TTC28: variants seen among roughly 807,000 people sequenced by gnomAD.
TTC28 encodes the protein tetratricopeptide repeat protein 28.
Under a neutral mutation model 198.0 loss-of-function variants are expected in TTC28, and 61 were observed. The observed-to-expected ratio is 0.31, with a 90% CI of 0.25 to 0.38. TTC28 has a LOEUF of 0.38. TTC28 is among the 10% of genes least tolerant of loss of function. The probability of loss-of-function intolerance (pLI) is 1.00; values close to 1 mark genes in which losing one functional copy is unlikely to be tolerated. For synonymous variants in TTC28, 1,171 were observed against 1,297.8 expected (o/e 0.90, Z 2.10); for missense variants, 2,678 against 3,164.0 (o/e 0.85, Z 3.69).
At chr22:28,591,032 C>CATAT (rs2050421131) in intron 2 of TTC28, among the ~76,000 whole-genome samples, 5 of 62,604 alleles carry the variant, frequency 8.0e-5, no homozygotes, top group African/African-American at 1.1e-4. Context: ...CACACACACA[C>CATAT]ACACACACAT....
At chr22:28,142,375 C>T (rs1032043396) in intron 6 of TTC28, among the ~76,000 whole-genome samples, 1 of 152,208 alleles carries the variant, frequency 6.6e-6, no homozygotes, top group African/African-American at 2.4e-5. Flanking sequence ...TCCTGATACC[C>T]ATGAGCAGAA....
intron 12 of TTC28, among the ~76,000 whole-genome samples, chr22:28,054,309 A>G (rs1487362150): frequency 6.6e-6 from 1 of 152,194 alleles, no homozygotes; most frequent in African/African-American, 2.4e-5. Context: ...AGACATGGAA[A>G]TATCAGGCCG....
At chr22:28,495,974 T>A (rs1042285411) in intron 2 of TTC28, among the ~76,000 whole-genome samples, 5 of 152,136 alleles carry the variant, frequency 3.3e-5, no homozygotes, top group Admixed American at 2.6e-4. Context: ...CAATAGTCAA[T>A]CCTCAGTTCT....
Position 28,309,295 on chromosome 22 carries a change from A to G in TTC28, c.382-2652T>C, listed in dbSNP as rs1240206056. On this transcript the variant is annotated intron_variant, in intron 2 of 22. Transcript: ENST00000397906. ...ATTATTCAATTTCTATCACTGTCTC[A>G]TTCATTCTTTCTCTTGTTCCATAAA... Among the ~76,000 whole-genome samples the G allele has an allele frequency of 2.0e-5, 3 of 152,216 alleles. No homozygotes were observed. The East Asian group carries it at 5.8e-4, about 29-fold the overall frequency.
intron 12 of TTC28, among the ~76,000 whole-genome samples, chr22:28,032,173 T>TATATATATATATATAAA (rs556991611): frequency 5.8e-5 from 6 of 104,190 alleles, no homozygotes; most frequent in Admixed American, 1.1e-4. Context: ...TGTGTGTATA[T>TATATATATATATATAAA]ATATATATAT....
chr22:28,500,543 G>A (rs1024232623), intron 2 of TTC28, among the ~76,000 whole-genome samples: 1 of 152,052 alleles, frequency 6.6e-6, no homozygotes, highest in African/African-American at 2.4e-5. Context: ...TTACAAAATA[G>A]TAACAGTAAA....
intron 12 of TTC28, among the ~76,000 whole-genome samples, chr22:28,043,241 T>A (rs1256014804): frequency 1.0e-4 from 2 of 19,512 alleles, no homozygotes; most frequent in Non-Finnish European, 1.6e-4. Context: ...AGACTCCATC[T>A]CAAAAAAAAA....
At chr22:28,060,164 T>C (rs113070113) in intron 12 of TTC28, among the ~76,000 whole-genome samples, 1 of 152,144 alleles carries the variant, frequency 6.6e-6, no homozygotes, top group African/African-American at 2.4e-5. Flanking sequence ...TTGTTACACA[T>C]GTATACATGT....
At chr22:28,214,716 C>G (rs1359393447) in intron 5 of TTC28, among the ~76,000 whole-genome samples, 2 of 152,214 alleles carry the variant, frequency 1.3e-5, no homozygotes, top group African/African-American at 4.8e-5. Context: ...TTTTGGAAGA[C>G]AGTGTGGTGA....
intron 2 of TTC28, among the ~76,000 whole-genome samples, chr22:28,470,685 T>C (rs1394092776): frequency 6.6e-6 from 1 of 152,192 alleles, no homozygotes; most frequent in African/African-American, 2.4e-5. Flanking sequence ...AAGAAAAACT[T>C]ACATTTTGCC....
intron 2 of TTC28, among the ~76,000 whole-genome samples, chr22:28,381,969 C>G (rs1489165288): frequency 1.3e-5 from 2 of 152,076 alleles, no homozygotes; most frequent in Non-Finnish European, 2.9e-5. Context: ...GTGCCAATTC[C>G]TCGGCAAATA....
At chr22:28,649,385 A>G (rs1175842056) in intron 1 of TTC28, among the ~76,000 whole-genome samples, 1 of 152,024 alleles carries the variant, frequency 6.6e-6, no homozygotes, top group Admixed American at 6.6e-5. Context: ...ATATATATAA[A>G]TAAAATTTTT....
rs1295606012 is a variant in TTC28, at chr22:28,163,243, C to T, written c.1290G>A (p.Lys430=). ...CAGCATAGGCCCGCATCTCAATAGC[C>T]TTCTCCATCAACTCCTGTGCCAGCT... is the stretch of plus-strand genomic sequence containing the variant. ...VLELAQELME[K]AIEMRAYAGL... is the part of the protein sequence containing the mutation. Residue 430 remains lysine, a synonymous_variant, in exon 6 of 23, where the codon AAG becomes AAA. Coordinates refer to ENST00000397906, the MANE Select transcript of TTC28 (RefSeq NM_001145418.2). 6.4e-7 allele frequency: 1 copy of T among 1,551,804 alleles called. No individual in the cohort carries two copies. The highest frequency in any genetic ancestry group is 8.7e-7 in the Non-Finnish European group (1 of 1,147,034).
intron 2 of TTC28, among the ~76,000 whole-genome samples, chr22:28,342,240 A>G (rs941615171): frequency 6.6e-6 from 1 of 152,228 alleles, no homozygotes; most frequent in African/African-American, 2.4e-5. Context: ...ATTATTTTAC[A>G]GTTAAGCTTG....
At chr22:28,391,213 T>C (rs2046713611) in intron 2 of TTC28, among the ~76,000 whole-genome samples, 1 of 152,238 alleles carries the variant, frequency 6.6e-6, no homozygotes, top group Admixed American at 6.5e-5. Context: ...AGACATCAGC[T>C]GTTAGTCTGA....
intron 12 of TTC28, among the ~76,000 whole-genome samples, chr22:28,030,804 GTAAC>G (rs1939044131): frequency 6.6e-6 from 1 of 152,234 alleles, no homozygotes; most frequent in Admixed American, 6.5e-5. Context: ...TCCAGAAACA[GTAAC>G]TAAATACCTA....
At chr22:28,399,322 T>G (rs1044185150) in intron 2 of TTC28, among the ~76,000 whole-genome samples, 48 of 147,356 alleles carry the variant, frequency 3.3e-4, no homozygotes, top group Admixed American at 1.1e-3. Flanking sequence ...AAACTGTTTT[T>G]TTTTTTTTTT....
chr22:28,354,547 A>C (rs568408576), intron 2 of TTC28, among the ~76,000 whole-genome samples: 1 of 152,158 alleles, frequency 6.6e-6, no homozygotes, highest in East Asian at 1.9e-4. Flanking sequence ...GTCAGTATTT[A>C]ATGACTAGAG....
intron 5 of TTC28, among the ~76,000 whole-genome samples, chr22:28,202,537 C>CAAAAAA (rs998861083): frequency 1.2e-3 from 131 of 110,786 alleles, no homozygotes; most frequent in African/African-American, 4.1e-3. Flanking sequence ...GACTCTGTCT[C>CAAAAAA]AAAAAAAAAA....
Sources: allele counts gnomAD v4.1 joint callset (sites outside exome capture counted in the v4.1 genomes callset), GRCh38; gene constraint gnomAD v4.1.1; transcripts MANE v1.5; gene names NCBI Gene and HGNC (gene_info 2026-07-23, HGNC 2026-07-21).